Variants in SUGCT observed in about 807,000 individuals in gnomAD.
SUGCT encodes succinyl-CoA:glutarate CoA-transferase.
Under a neutral mutation model 55.0 loss-of-function variants are expected in SUGCT, and 41 were observed. That is an observed-to-expected ratio of 0.74 (90% CI 0.58 to 0.97). The LOEUF is 0.97. SUGCT is among the 50% of genes least tolerant of loss of function. The pLI, the probability that SUGCT is intolerant of heterozygous loss-of-function variation, is 0.00. For synonymous variants in SUGCT, 187 were observed against 200.4 expected, an observed-to-expected ratio of 0.93 and a Z score of 0.56; for missense variants, 568 against 547.8, an observed-to-expected ratio of 1.04 and a Z score of -0.37.
chr7:40,909,148 A>C, the SUGCT span, among the ~76,000 whole-genome samples: 5 of 152,166 alleles, frequency 3.3e-5, no homozygotes, highest in African/African-American at 1.2e-4. Flanking sequence ...GTGGAGACCC[A>C]ATCTGTTGTG....
At chr7:40,978,402 A>G in the SUGCT span, among the ~76,000 whole-genome samples, 2,514 of 152,218 alleles carry the variant, frequency 0.017, 72 homozygotes, top group African/African-American at 0.057. Context: ...ACTTTCACTG[A>G]TTTATTCAAA....
intron 6 of SUGCT, among the ~76,000 whole-genome samples, chr7:40,198,685 AC>A (rs1460045770): frequency 5.6e-5 from 7 of 125,868 alleles, no homozygotes; most frequent in African/African-American, 1.1e-4. Flanking sequence ...ACATGACAAA[AC>A]CCCCGTCTCT....
At chr7:40,312,281 T>G (rs1179512385) in intron 8 of SUGCT, among the ~76,000 whole-genome samples, 1 of 152,164 alleles carries the variant, frequency 6.6e-6, no homozygotes, top group Non-Finnish European at 1.5e-5. Context: ...CCTCAGGTGA[T>G]CCACCTGCCT....
the SUGCT span, among the ~76,000 whole-genome samples, chr7:40,890,314 TG>T: frequency 2.1e-5 from 3 of 143,272 alleles, no homozygotes; most frequent in Admixed American, 7.1e-5. Flanking sequence ...TAAATATTTA[TG>T]TTATATAATA....
At chr7:40,256,742 T>G (rs2150950553) in intron 7 of SUGCT, among the ~76,000 whole-genome samples, 1 of 152,302 alleles carries the variant, frequency 6.6e-6, no homozygotes, top group South Asian at 2.1e-4. Flanking sequence ...TTTTTATTTT[T>G]ATTTTTTACT....
chr7:40,751,861 G>T (rs1201151089), intron 13 of SUGCT, among the ~76,000 whole-genome samples: 1 of 152,166 alleles, frequency 6.6e-6, no homozygotes, highest in Non-Finnish European at 1.5e-5. Context: ...AACCAAGAAT[G>T]AACTCATTGG....
At chr7:40,784,345 G>C (rs17688144) in intron 13 of SUGCT, among the ~76,000 whole-genome samples, 1 of 152,134 alleles carries the variant, frequency 6.6e-6, no homozygotes, top group Admixed American at 6.6e-5. Context: ...AGGGCTAAGA[G>C]CATTCTTTTC....
At chr7:40,328,929 C>T (rs1018268928) in intron 9 of SUGCT, among the ~76,000 whole-genome samples, 1 of 152,130 alleles carries the variant, frequency 6.6e-6, no homozygotes, top group Non-Finnish European at 1.5e-5. Flanking sequence ...TGGCATAGCT[C>T]CTCTTTGAAG....
At chr7:40,580,173 C>T (rs1390604390) in intron 12 of SUGCT, among the ~76,000 whole-genome samples, 1 of 151,994 alleles carries the variant, frequency 6.6e-6, no homozygotes, top group Admixed American at 6.6e-5. Flanking sequence ...TGAGCGTGAA[C>T]AAGGTATATT....
chr7:40,205,652 AAAAAAAAAAAG>A (rs969276658), intron 6 of SUGCT, among the ~76,000 whole-genome samples: 3 of 151,656 alleles, frequency 2.0e-5, no homozygotes, highest in Non-Finnish European at 4.4e-5. Flanking sequence ...AAAAAAAAAA[AAAAAAAAAAAG>A]AAAAGTGACA....
chr7:40,770,127 G>A (rs1789015882), intron 13 of SUGCT, among the ~76,000 whole-genome samples: 1 of 152,108 alleles, frequency 6.6e-6, no homozygotes, highest in African/African-American at 2.4e-5. Context: ...AACTTGTCAA[G>A]TTTCTTGAAA....
At chr7:40,865,841 C>T in the SUGCT span, among the ~76,000 whole-genome samples, 1 of 152,174 alleles carries the variant, frequency 6.6e-6, no homozygotes, top group African/African-American at 2.4e-5. Flanking sequence ...GGATGGTGCC[C>T]TCACCTCTAC....
At chr7:40,311,391 G>C (rs764273401) in intron 8 of SUGCT, among the ~76,000 whole-genome samples, 4 of 152,102 alleles carry the variant, frequency 2.6e-5, no homozygotes, top group Non-Finnish European at 5.9e-5. Context: ...GATCCCTATG[G>C]GTTTTAAATA....
At chr7:40,597,434 C>T (rs1159197801) in intron 12 of SUGCT, among the ~76,000 whole-genome samples, 2 of 152,074 alleles carry the variant, frequency 1.3e-5, no homozygotes, top group South Asian at 2.1e-4. Flanking sequence ...TTTATTGTAA[C>T]AAGTGTGATC....
chr7:40,917,114 C>T, the SUGCT span, among the ~76,000 whole-genome samples: 1 of 152,224 alleles, frequency 6.6e-6, no homozygotes, highest in Non-Finnish European at 1.5e-5. Context: ...CTCAATCATA[C>T]AATGTAGATT....
In SUGCT at chr7:40,561,683, C is replaced by T. The variant is rs533220037; in HGVS notation, c.1089+65297C>T. Among the ~76,000 whole-genome samples the T allele has an allele frequency of 1.5e-4, 21 of 143,668 alleles. 1 individual carries two copies. In the South Asian group the frequency reaches 4.2e-3, roughly 29 times the overall value. The allele number at this position is 143,668 out of a possible 152,430, so 94.3% of individuals were successfully genotyped here. On this transcript the variant is annotated intron_variant, in intron 12 of 13. Transcript: ENST00000335693. ...TCGCCAGAGGTGGAGATGCTTAAGC[C>T]GAGTCTTTTTTTTTTTTTTTTTTTT...
chr7:41,012,564 A>G, the SUGCT span, among the ~76,000 whole-genome samples: 8,692 of 152,232 alleles, frequency 0.057, 814 homozygotes, highest in African/African-American at 0.2. Context: ...AAAATGATCA[A>G]TGGTAGCTAT....
At chr7:40,385,516 G>A (rs1359397001) in intron 9 of SUGCT, among the ~76,000 whole-genome samples, 1 of 152,162 alleles carries the variant, frequency 6.6e-6, no homozygotes, top group Non-Finnish European at 1.5e-5. Context: ...GGCATTTAGT[G>A]TCCTAGTCTT....
chr7:40,336,559 A>C (rs1239100608), intron 9 of SUGCT, among the ~76,000 whole-genome samples: 1 of 152,052 alleles, frequency 6.6e-6, no homozygotes, highest in Non-Finnish European at 1.5e-5. Context: ...GTATTCTCTG[A>C]TGGTAGTTTG....
Sources: allele counts gnomAD v4.1 joint callset (sites outside exome capture counted in the v4.1 genomes callset), GRCh38; gene constraint gnomAD v4.1.1; transcripts MANE v1.5; gene names NCBI Gene and HGNC (gene_info 2026-07-23, HGNC 2026-07-21).